The following NCOA2 variants were observed in gnomAD, a reference collection of about 807,000 sequenced individuals.
NCOA2 encodes the protein nuclear receptor coactivator 2.
A neutral mutation model predicts 145.1 loss-of-function variants in NCOA2; 21 were observed. The observed-to-expected ratio is 0.14, with a 90% confidence interval of 0.10 to 0.21. The LOEUF (loss-of-function observed/expected upper bound fraction) is 0.21. NCOA2 is among the 10% of genes least tolerant of loss of function. The pLI is 1.00. For missense variants in NCOA2, 1,472 were observed against 1,837.6 expected (o/e 0.80, Z 3.64); for synonymous variants, 619 against 637.5 (o/e 0.97, Z 0.44).
chr8:70,239,484 G>A (rs1406791221), intron 2 of NCOA2, among the ~76,000 whole-genome samples: 1 of 152,096 alleles, frequency 6.6e-6, no homozygotes, highest in Non-Finnish European at 1.5e-5. Context: ...ACTCTATTCT[G>A]GACCAAACAA....
the NCOA2 span, among the ~76,000 whole-genome samples, chr8:70,416,321 C>T: frequency 1.3e-5 from 2 of 151,744 alleles, no homozygotes; most frequent in Non-Finnish European, 2.9e-5. Context: ...GGCCAAACAA[C>T]TGGGCACCAC....
In NCOA2 at chr8:70,135,464, T is replaced by C. The variant is rs115779078; in HGVS notation, c.3158+2739A>G. ...GAAAACAAAAGGTTCCTGATTTGGC[T>C]GAGCTACAATACATTAAAAACCACT... is the stretch of plus-strand genomic sequence containing the variant. On this transcript the variant is annotated intron_variant, in intron 15 of 22. Coordinates refer to ENST00000452400, the MANE Select transcript of NCOA2 (RefSeq NM_006540.4). 4.0e-3 allele frequency among the ~76,000 whole-genome samples: 605 copies of C among 152,306 alleles called. 4 individuals carry two copies. Among genetic ancestry groups the C allele is most frequent in the African/African-American group, 0.014 (583 of 41,562 alleles).
chr8:70,174,788 C>T lies in NCOA2; in HGVS notation c.331G>A (p.Asp111Asn), dbSNP rs780798921. The T allele has an allele frequency of 3.7e-6, 6 of 1,613,630 alleles. No individual in the cohort carries two copies. In the African/African-American group the frequency reaches 5.3e-5, roughly 14 times the overall value. ...DVSSTGQGVI[D>N]KDALGPMMLE... The stretch of plus-strand genomic sequence containing the variant: ...ATCATAGGCCCCAGCGCATCCTTGT[C>T]GATGACACCCTGCCCTGTAGAGGAT... The change falls in exon 5 of 23, where the codon GAC becomes AAC. Residue 111 changes from aspartate to asparagine, a missense_variant. Around this residue, in one of 4 missense-constraint regions of NCOA2, gnomAD observed 284 missense variants for 467.8 expected, o/e 0.61. Transcript: ENST00000452400.
intron 2 of NCOA2, among the ~76,000 whole-genome samples, chr8:70,222,195 G>A (rs1175030038): frequency 1.3e-5 from 2 of 152,134 alleles, no homozygotes; most frequent in African/African-American, 4.8e-5. Context: ...TCTAGAATTT[G>A]TTTTCAAATA....
At chr8:70,148,555 C>G in intron 11 of NCOA2, 72 bp from the exon 12 acceptor site, 1 of 1,395,112 alleles carries the variant, frequency 7.2e-7, no homozygotes, top group Admixed American at 1.9e-5. Flanking sequence ...TTTGCAATCA[C>G]TGACCTAACT....
chr8:70,178,258 G>A (rs1182871080), intron 4 of NCOA2, among the ~76,000 whole-genome samples: 3 of 152,186 alleles, frequency 2.0e-5, no homozygotes, highest in Non-Finnish European at 4.4e-5. Flanking sequence ...GAATTTATCA[G>A]ATATAATTTG....
rs541589330 is a variant in NCOA2 at position 70,260,953 on chromosome 8, C to T, written c.-20+35791G>A. On this transcript the variant is annotated intron_variant, in intron 2 of 22. Coordinates refer to ENST00000452400, the MANE Select transcript of NCOA2 (RefSeq NM_006540.4). ...CAATCATTAAAAAGTCAGGAAACAA[C>T]AGGTGCTGGAGAGGATGTGGAGAAA... Among the ~76,000 whole-genome samples, 17 of 152,318 alleles carry T rather than the reference C, an allele frequency of 1.1e-4. No homozygotes were observed. In the East Asian group the frequency reaches 3.3e-3, roughly 29 times the overall value.
chr8:70,174,145 G>A (rs759769224), intron 5 of NCOA2, among the ~76,000 whole-genome samples: 4 of 152,030 alleles, frequency 2.6e-5, no homozygotes, highest in Non-Finnish European at 4.4e-5. Context: ...AAAGCACTTG[G>A]CGTTTAGTAC....
chr8:70,251,229 T>C (rs972037321), intron 2 of NCOA2, among the ~76,000 whole-genome samples: 1 of 152,192 alleles, frequency 6.6e-6, no homozygotes. Flanking sequence ...TGCTATTTTG[T>C]TGGGTTATTT....
At chr8:70,362,524 T>C (rs1451773260) in intron 1 of NCOA2, among the ~76,000 whole-genome samples, 1 of 152,176 alleles carries the variant, frequency 6.6e-6, no homozygotes, top group Admixed American at 6.5e-5. Flanking sequence ...CAAAAAAAGA[T>C]ATACAGATGG....
the NCOA2 span, among the ~76,000 whole-genome samples, chr8:70,436,279 C>T: frequency 2.0e-5 from 3 of 152,082 alleles, no homozygotes; most frequent in Admixed American, 1.3e-4. Flanking sequence ...GTAGACTGTT[C>T]AACTAAAATT....
chr8:70,296,849 A>T (rs1397045353), intron 1 of NCOA2, 49 bp from the exon 2 acceptor site: 1 of 152,204 alleles, frequency 6.6e-6, no homozygotes, highest in Non-Finnish European at 1.5e-5. Context: ...GCAGAATCCT[A>T]AGATTCCTTA....
chr8:70,192,655 T>C (rs1052151010), intron 4 of NCOA2, among the ~76,000 whole-genome samples: 10 of 152,242 alleles, frequency 6.6e-5, no homozygotes, highest in Non-Finnish European at 1.5e-4. Flanking sequence ...AGAACAGATC[T>C]TCCCAGGAAA....
chr8:70,141,790 A>G (rs540740318), intron 13 of NCOA2, among the ~76,000 whole-genome samples: 12 of 152,330 alleles, frequency 7.9e-5, no homozygotes, highest in Non-Finnish European at 1.6e-4. Flanking sequence ...AAAAACTGAT[A>G]ATCAATACTC....
At chr8:70,411,973 C>T in the NCOA2 span, among the ~76,000 whole-genome samples, 1 of 152,162 alleles carries the variant, frequency 6.6e-6, no homozygotes, top group African/African-American at 2.4e-5. Flanking sequence ...GACTTGTGTG[C>T]CTATGTATAT....
At chr8:70,307,735 G>C (rs1264425352) in intron 1 of NCOA2, among the ~76,000 whole-genome samples, 1 of 152,200 alleles carries the variant, frequency 6.6e-6, no homozygotes, top group Non-Finnish European at 1.5e-5. Flanking sequence ...GCTACTAGCA[G>C]TACATGCTGA....
chr8:70,376,082 A>T, intron 1 of NCOA2, among the ~76,000 whole-genome samples: 1 of 152,218 alleles, frequency 6.6e-6, no homozygotes, highest in East Asian at 1.9e-4. Flanking sequence ...ACACTGTCTG[A>T]GAGTCGTTAT....
At chr8:70,178,580 C>G (rs1815122397) in intron 4 of NCOA2, among the ~76,000 whole-genome samples, 2 of 152,262 alleles carry the variant, frequency 1.3e-5, no homozygotes, top group East Asian at 1.9e-4. Flanking sequence ...ACTGTCTGTG[C>G]AGGGGAAGCA....
Position 70,274,624 on chromosome 8 carries a change from T to G in NCOA2, c.-20+22120A>C, listed in dbSNP as rs148901405. 8.7e-4 allele frequency among the ~76,000 whole-genome samples: 132 copies of G among 152,376 alleles called. 1 individual carries two copies. The highest frequency in any genetic ancestry group is 3.1e-3 in the African/African-American group (128 of 41,588). On this transcript the variant is annotated intron_variant, in intron 2 of 22. Transcript: ENST00000452400. The stretch of plus-strand genomic sequence containing the variant: ...ATTAGCTCTATCCACAAATCTGTTT[T>G]ACATTCATATTACAAATACAGTCTT...
Sources: gnomAD v4.1 joint callset for allele counts (sites outside exome capture counted in the v4.1 genomes callset) on GRCh38, gnomAD v4.1.1 for gene constraint, gnomAD v4.1.1 regional missense constraint, MANE v1.5 for transcripts, NCBI Gene and HGNC (gene_info 2026-07-23, HGNC 2026-07-21) for gene names.